GOLIM4: variants seen among roughly 807,000 people sequenced by gnomAD.
The protein encoded by GOLIM4 is 130 kDa golgi-localized phosphoprotein.
In GOLIM4, 71 loss-of-function variants were observed where a neutral mutation model predicts 107.4. That is an observed-to-expected ratio of 0.66 (90% CI 0.55 to 0.81). GOLIM4 has a LOEUF of 0.81. GOLIM4 is among the 30% of genes least tolerant of loss of function. GOLIM4 has a pLI of 0.00. For synonymous variants in GOLIM4, 327 were observed against 294.8 expected (o/e 1.11, Z -1.12); for missense variants, 830 against 826.1 (o/e 1.00, Z -0.06).
intron 1 of GOLIM4, among the ~76,000 whole-genome samples, chr3:168,069,259 T>C (rs1720719053): frequency 6.6e-6 from 1 of 152,180 alleles, no homozygotes; most frequent in Non-Finnish European, 1.5e-5. Flanking sequence ...CACTCAATTT[T>C]TGGAAGAAAG....
chr3:168,064,474 G>A (rs891687489), intron 1 of GOLIM4, among the ~76,000 whole-genome samples: 9 of 152,110 alleles, frequency 5.9e-5, no homozygotes, highest in African/African-American at 1.4e-4. Flanking sequence ...TTTTGAGTCC[G>A]TTATAAGAAG....
chr3:168,081,110 T>C (rs1721340589), intron 1 of GOLIM4, among the ~76,000 whole-genome samples: 2 of 152,138 alleles, frequency 1.3e-5, no homozygotes, highest in Non-Finnish European at 2.9e-5. Context: ...GAAGTCCTAC[T>C]TACACCCCAG....
rs115571608 is a variant in GOLIM4, at chr3:168,047,376, T to C, written c.263-377A>G. Among the ~76,000 whole-genome samples, 1,077 of 152,360 alleles carry C rather than the reference T, an allele frequency of 7.1e-3. 6 individuals are homozygous for C. Among genetic ancestry groups the C allele is most frequent in the Non-Finnish European group, 8.2e-3 (557 of 68,028 alleles). ...TGGCACACTAAAATCATTCAGTTCC[T>C]GAAAACAGAAATCAAGCCAGCCAAG... On this transcript the variant is annotated intron_variant, in intron 2 of 15. Coordinates refer to ENST00000470487, the MANE Select transcript of GOLIM4 (RefSeq NM_014498.5).
Position 168,029,962 on chromosome 3 carries a change from T to C in GOLIM4, c.1251A>G (p.Ala417=). Reference sequence around the variant, plus strand: ...GCTGGGCCTCCTCCACCTGCTGCACTGCCAGTCTCTGCTGTTCCAACTGTT... The same window carrying C: ...GCTGGGCCTCCTCCACCTGCTGCACCGCCAGTCTCTGCTGTTCCAACTGTT... ...YEEQLEQQRL[A]VQQVEEAQQL... The change falls in exon 10 of 16, where the codon GCA becomes GCG. Residue 417 remains alanine (A), a synonymous_variant. Coordinates refer to ENST00000470487, the MANE Select transcript of GOLIM4 (RefSeq NM_014498.5). The C allele has an allele frequency of 6.2e-7, 1 of 1,614,178 alleles. No individual in the cohort carries two copies. Among genetic ancestry groups the C allele is most frequent in the Non-Finnish European group, 8.5e-7 (1 of 1,180,016 alleles).
chr3:168,089,586 G>C (rs1721794160), intron 1 of GOLIM4, among the ~76,000 whole-genome samples: 1 of 152,136 alleles, frequency 6.6e-6, no homozygotes, highest in African/African-American at 2.4e-5. Flanking sequence ...TAAGATAGCA[G>C]AAAATCAAAT....
intron 5 of GOLIM4, among the ~76,000 whole-genome samples, chr3:168,042,831 A>G (rs74947860): frequency 0.049 from 7,467 of 152,250 alleles, 313 homozygotes; most frequent in Non-Finnish European, 0.062. Context: ...GATTATCTCA[A>G]TTTCACAGAT....
chr3:168,030,192 A>C (rs185837661), intron 9 of GOLIM4, among the ~76,000 whole-genome samples, 156 bp from the exon 10 acceptor site: 2 of 152,132 alleles, frequency 1.3e-5, no homozygotes, highest in Non-Finnish European at 2.9e-5. Context: ...AAAAACTCCT[A>C]TTTCCCAACT....
chr3:168,015,285 TC>T (rs1717299293), intron 14 of GOLIM4, among the ~76,000 whole-genome samples: 1 of 145,324 alleles, frequency 6.9e-6, no homozygotes, highest in Non-Finnish European at 1.5e-5. Flanking sequence ...GAACTCCCAT[TC>T]ACAATTGCTT....
intron 14 of GOLIM4, among the ~76,000 whole-genome samples, chr3:168,018,573 C>T (rs985370352): frequency 2.0e-5 from 3 of 152,186 alleles, no homozygotes; most frequent in Non-Finnish European, 4.4e-5. Flanking sequence ...TATCTTGTCT[C>T]ACCTTATGGT....
chr3:168,016,592 T>C (rs1429850808), intron 14 of GOLIM4, among the ~76,000 whole-genome samples: 1 of 132,912 alleles, frequency 7.5e-6, no homozygotes, highest in Non-Finnish European at 1.5e-5. Context: ...CACATGCACA[T>C]GTATGTTTAT....
chr3:168,064,177 C>T (rs1720424196), intron 1 of GOLIM4, among the ~76,000 whole-genome samples: 1 of 152,168 alleles, frequency 6.6e-6, no homozygotes, highest in Admixed American at 6.5e-5. Context: ...TCCCACAGGC[C>T]ATAGGCATAT....
Position 168,051,116 on chromosome 3 carries a change from T to C in GOLIM4, c.188-2751A>G, listed in dbSNP as rs1453794792. On this transcript the variant is annotated intron_variant, in intron 1 of 15. Transcript: ENST00000470487. ...CAGATAATCAGGTCATAATTATCTT[T>C]GGCTTAGGAAGGACAGAACTCATCA... 2.6e-5 allele frequency among the ~76,000 whole-genome samples: 4 copies of C among 152,226 alleles called. No individual in the cohort carries two copies. The East Asian group carries it at 7.7e-4, about 29-fold the overall frequency.
intron 15 of GOLIM4, 59 bp downstream of exon 15, chr3:168,010,684 T>C (rs1716954610): frequency 3.3e-6 from 4 of 1,205,714 alleles, no homozygotes; most frequent in Non-Finnish European, 3.7e-6. Context: ...ATCTCTCCTA[T>C]ACACATGCAC....
chr3:168,015,132 T>C (rs1009521730), intron 14 of GOLIM4, among the ~76,000 whole-genome samples: 26 of 149,522 alleles, frequency 1.7e-4, no homozygotes, highest in Non-Finnish European at 2.8e-4. Context: ...ATTGTATATC[T>C]AGAAAACCCC....
chr3:168,087,397 G>C (rs901236317), intron 1 of GOLIM4, among the ~76,000 whole-genome samples: 1 of 152,142 alleles, frequency 6.6e-6, no homozygotes, highest in African/African-American at 2.4e-5. Context: ...TCTAGCATCA[G>C]ACTGAGAATT....
chr3:168,086,398 T>G (rs895319381), intron 1 of GOLIM4, among the ~76,000 whole-genome samples: 3 of 152,198 alleles, frequency 2.0e-5, no homozygotes, highest in East Asian at 3.8e-4. Context: ...CTAAATATCT[T>G]GATTTGCAGA....
intron 14 of GOLIM4, among the ~76,000 whole-genome samples, chr3:168,024,072 A>T (rs1717858112): frequency 6.6e-6 from 1 of 152,314 alleles, no homozygotes; most frequent in African/African-American, 2.4e-5. Flanking sequence ...AGAGACTGTA[A>T]AATTTACAAA....
At chr3:168,035,774 C>T (rs1274608171) in intron 8 of GOLIM4, among the ~76,000 whole-genome samples, 1 of 151,998 alleles carries the variant, frequency 6.6e-6, no homozygotes, top group African/African-American at 2.4e-5. Context: ...TCATGTACCC[C>T]TGAACTTAAA....
At chr3:168,056,526 A>G (rs989897770) in intron 1 of GOLIM4, among the ~76,000 whole-genome samples, 1 of 152,190 alleles carries the variant, frequency 6.6e-6, no homozygotes. Context: ...CAGACACTCA[A>G]CACGAGCCCA....
Sources: allele counts gnomAD v4.1 joint callset (sites outside exome capture counted in the v4.1 genomes callset), GRCh38; gene constraint gnomAD v4.1.1; transcripts MANE v1.5; gene names NCBI Gene and HGNC (gene_info 2026-07-23, HGNC 2026-07-21).